Variants in PRKN observed in about 807,000 individuals in gnomAD.
PRKN encodes the protein E3 ubiquitin-protein ligase parkin.
A neutral mutation model predicts 59.5 loss-of-function variants in PRKN; 56 were observed. That is an observed-to-expected ratio of 0.94 (90% CI 0.76 to 1.18). The LOEUF (loss-of-function observed/expected upper bound fraction) is 1.18, where lower values mean the gene tolerates loss of function less well. PRKN is among the 50% of genes most tolerant of loss of function. The pLI, the probability that PRKN is intolerant of heterozygous loss-of-function variation, is 0.00. For missense variants in PRKN, 657 were observed against 596.4 expected, an observed-to-expected ratio of 1.10 and a Z score of -1.06; for synonymous variants, 250 against 222.1, an observed-to-expected ratio of 1.13 and a Z score of -1.12.
chr6:161,530,946 T>C lies in PRKN; in HGVS notation c.1083+17908A>G, dbSNP rs1374036989. Among the ~76,000 whole-genome samples the C allele has an allele frequency of 6.6e-6, 1 of 152,198 alleles. No individual in the cohort carries two copies. The highest frequency in any genetic ancestry group is 1.9e-4 in the East Asian group (1 of 5,188). ...AAATCTTTACCAAAATCCTAACACA[T>C]CAAATTTCAGTTTCATATTTTCAAC... On this transcript the variant is annotated intron_variant, in intron 9 of 11. Coordinates refer to ENST00000366898, the MANE Select transcript of PRKN (RefSeq NM_004562.3). This position sits in a 1 kb window ranked among gnomAD's most constrained non-coding sequence, Gnocchi z 5.0.
At chr6:162,513,885 C>T (rs1270816723) in intron 1 of PRKN, among the ~76,000 whole-genome samples, 1 of 151,818 alleles carries the variant, frequency 6.6e-6, no homozygotes, top group Non-Finnish European at 1.5e-5. Context: ...GAAACCCCAT[C>T]TCTACTAAAA....
intron 6 of PRKN, among the ~76,000 whole-genome samples, chr6:161,836,993 C>A (rs1792783738): frequency 6.6e-6 from 1 of 152,210 alleles, no homozygotes; most frequent in Non-Finnish European, 1.5e-5. Context: ...TCCGCTCCCA[C>A]ACTCCTGTCA....
intron 7 of PRKN, among the ~76,000 whole-genome samples, chr6:161,740,574 G>A (rs1464287268): frequency 6.6e-6 from 1 of 152,210 alleles, no homozygotes. Context: ...AATTCTGAAT[G>A]GGCCGTTTGC....
rs1436970156 is a variant in PRKN, at chr6:161,460,862, G to A, written c.1084-73985C>T. On this transcript the variant is annotated intron_variant, in intron 9 of 11. Transcript: ENST00000366898. This position sits in a 1 kb window ranked among gnomAD's most constrained non-coding sequence, Gnocchi z 5.0. ...ACTCCCTGGTTCAAGCAATTCTCCT[G>A]CCTCGGCCTCCCAAGTAGCTGGGAC... 2.0e-5 allele frequency among the ~76,000 whole-genome samples: 3 copies of A among 151,028 alleles called. No individual in the cohort carries two copies. The highest frequency in any genetic ancestry group is 4.4e-5 in the Non-Finnish European group (3 of 67,874).
At chr6:162,385,037 C>T (rs145451886) in intron 2 of PRKN, among the ~76,000 whole-genome samples, 1 of 152,000 alleles carries the variant, frequency 6.6e-6, no homozygotes, top group Non-Finnish European at 1.5e-5. Flanking sequence ...TATTTCCCCC[C>T]TCATGAAATT....
At position 162,113,511 on chromosome 6, in the gene PRKN, TGAAG is replaced by T. The variant is rs372163025; in HGVS notation, c.535-59341_535-59338del. Among the ~76,000 whole-genome samples, 744 of 152,246 alleles carry T rather than the reference TGAAG, an allele frequency of 4.9e-3. 5 individuals carry two copies. Among genetic ancestry groups the T allele is most frequent in the African/African-American group, 0.017 (693 of 41,536 alleles). ...TGTTGGAAATAAGCACTGTGGTCAA[TGAAG>T]GGAGAGGGATATGTAGTACATGTGT... On this transcript the variant is annotated intron_variant, in intron 4 of 11. Transcript: ENST00000366898.
chr6:162,480,192 A>G (rs1049006082), intron 1 of PRKN, among the ~76,000 whole-genome samples: 12 of 152,170 alleles, frequency 7.9e-5, no homozygotes, highest in Non-Finnish European at 1.8e-4. Flanking sequence ...TTGGTATCGT[A>G]GTAGGCTCAT....
chr6:161,505,919 G>A (rs896193340), intron 9 of PRKN, among the ~76,000 whole-genome samples: 15 of 151,284 alleles, frequency 9.9e-5, no homozygotes, highest in Non-Finnish European at 1.8e-4. Context: ...TGCTGTTTTG[G>A]TTACTGTAGC....
chr6:162,360,796 T>C (rs1785101353), intron 2 of PRKN, among the ~76,000 whole-genome samples: 1 of 152,190 alleles, frequency 6.6e-6, no homozygotes, highest in Non-Finnish European at 1.5e-5. Context: ...CTAAGACCTC[T>C]GCTTAGCGAT....
At chr6:161,982,106 C>A (rs1469760580) in intron 5 of PRKN, among the ~76,000 whole-genome samples, 2 of 152,188 alleles carry the variant, frequency 1.3e-5, no homozygotes. Flanking sequence ...TTCAGTGTGC[C>A]TTGAAGTTTA....
In PRKN at chr6:161,372,825, A is replaced by ATTTT. The variant is rs11293379; in HGVS notation, c.1168-12624_1168-12621dup. 3.5e-5 allele frequency among the ~76,000 whole-genome samples: 4 copies of ATTTT among 114,436 alleles called. No individual in the cohort carries two copies. Among genetic ancestry groups the ATTTT allele is most frequent in the Non-Finnish European group, 3.6e-5 (2 of 55,728 alleles). The allele number at this position is 114,436 out of a possible 152,430, so 75.1% of individuals were successfully genotyped here. ...TGGTCAACAAAGACAGAGAGACCCT[A>ATTTT]TTTTTTTTTTTTTTTTTTTTTTGAG... On this transcript the variant is annotated intron_variant, in intron 10 of 11. Transcript: ENST00000366898. The surrounding 1 kb of genome is among the most constrained non-coding windows in gnomAD (Gnocchi z 4.2).
intron 4 of PRKN, among the ~76,000 whole-genome samples, chr6:162,151,540 G>A (rs551235812): frequency 6.6e-6 from 1 of 152,210 alleles, no homozygotes. Flanking sequence ...CTCTCATGAG[G>A]AAACTGAGCA....
chr6:162,468,795 G>C (rs1205562671), intron 1 of PRKN, among the ~76,000 whole-genome samples: 1 of 152,142 alleles, frequency 6.6e-6, no homozygotes, highest in South Asian at 2.1e-4. Context: ...AAACATTTCA[G>C]ATCTCTGCCC....
chr6:161,546,582 A>C lies in PRKN; in HGVS notation c.1083+2272T>G, dbSNP rs1033034336. On this transcript the variant is annotated intron_variant, in intron 9 of 11. Coordinates refer to ENST00000366898, the MANE Select transcript of PRKN (RefSeq NM_004562.3). This position sits in a 1 kb window ranked among gnomAD's most constrained non-coding sequence, Gnocchi z 4.4. ...TACAGTTCAGTGCATCCTTTAGAAAATCACTTCTCTGTTCTTTTTTCAGCT... is the reference window on the plus strand; with the variant it reads ...TACAGTTCAGTGCATCCTTTAGAAACTCACTTCTCTGTTCTTTTTTCAGCT... Among the ~76,000 whole-genome samples, 3 of 152,156 alleles carry C rather than the reference A, an allele frequency of 2.0e-5. No homozygotes were observed. Among genetic ancestry groups the C allele is most frequent in the Non-Finnish European group, 4.4e-5 (3 of 68,026 alleles).
rs545023472 is a variant in PRKN at position 162,600,892 on chromosome 6, C to T, written c.7+126770G>A. Among the ~76,000 whole-genome samples the T allele has an allele frequency of 6.2e-5, 9 of 144,960 alleles. No homozygotes were observed. In the South Asian group the frequency reaches 1.9e-3, roughly 30 times the overall value. On this transcript the variant is annotated intron_variant, in intron 1 of 11. Coordinates refer to ENST00000366898, the MANE Select transcript of PRKN (RefSeq NM_004562.3). ...ATGCTTCCTGTACAACTTGCAGAAC[C>T]ATAAGCCAATTAAACTTCTTTTCTT...
intron 5 of PRKN, among the ~76,000 whole-genome samples, chr6:162,042,477 T>C (rs1784104094): frequency 6.6e-6 from 1 of 151,546 alleles, no homozygotes; most frequent in Non-Finnish European, 1.5e-5. Flanking sequence ...TTCATAGAGA[T>C]GGGGTCTCAT....
At chr6:161,596,844 T>C (rs1245502874) in intron 7 of PRKN, among the ~76,000 whole-genome samples, 1 of 152,212 alleles carries the variant, frequency 6.6e-6, no homozygotes, top group African/African-American at 2.4e-5. Flanking sequence ...TGAAGATGAT[T>C]TGATGCAAGA....
chr6:161,486,424 T>C (rs1791646138), intron 9 of PRKN, among the ~76,000 whole-genome samples: 3 of 152,210 alleles, frequency 2.0e-5, no homozygotes, highest in African/African-American at 7.2e-5. Flanking sequence ...TCAGATTTCA[T>C]GCATAGAACC....
chr6:162,487,669 A>G (rs941267412), intron 1 of PRKN, among the ~76,000 whole-genome samples: 2 of 152,184 alleles, frequency 1.3e-5, no homozygotes, highest in Admixed American at 6.5e-5. Context: ...AATTTCATGG[A>G]CCAGAATTTT....
Sources: allele counts gnomAD v4.1 joint callset (sites outside exome capture counted in the v4.1 genomes callset), GRCh38; gene constraint gnomAD v4.1.1; non-coding constraint Gnocchi (gnomAD v3.1); transcripts MANE v1.5; gene names NCBI Gene and HGNC (gene_info 2026-07-23, HGNC 2026-07-21).